TAFA1: variants seen among roughly 807,000 people sequenced by gnomAD.
TAFA1 encodes chemokine-like protein TAFA-1.
Under a neutral mutation model 18.5 loss-of-function variants are expected in TAFA1, and 4 were observed. The ratio of observed to expected loss-of-function variants is 0.22; its 90% CI spans 0.11 to 0.49. TAFA1 has a LOEUF of 0.49. TAFA1 is among the 20% of genes least tolerant of loss of function. The pLI is 0.98. For synonymous variants in TAFA1, 56 were observed against 55.2 expected (o/e 1.01, Z -0.06); for missense variants, 147 against 169.0 (o/e 0.87, Z 0.72).
At chr3:68,239,315 T>G (rs995152662) in intron 2 of TAFA1, among the ~76,000 whole-genome samples, 1 of 152,180 alleles carries the variant, frequency 6.6e-6, no homozygotes, top group Non-Finnish European at 1.5e-5. Flanking sequence ...ATCAATAAGT[T>G]ATTAGAACTC....
At chr3:68,308,215 C>T (rs1224280557) in intron 2 of TAFA1, among the ~76,000 whole-genome samples, 1 of 152,140 alleles carries the variant, frequency 6.6e-6, no homozygotes, top group Non-Finnish European at 1.5e-5. Flanking sequence ...GTCTTATATA[C>T]ACTGCTTGAC....
chr3:68,364,484 G>GTACTTAATTACTTTAATTAA (rs2069529309), intron 2 of TAFA1, among the ~76,000 whole-genome samples: 1 of 152,000 alleles, frequency 6.6e-6, no homozygotes, highest in Admixed American at 6.6e-5. Context: ...AGAGAGATTT[G>GTACTTAATTACTTTAATTAA]GTACAAAAAC....
intron 2 of TAFA1, among the ~76,000 whole-genome samples, chr3:68,306,347 G>T (rs1237655710): frequency 6.6e-6 from 1 of 152,058 alleles, no homozygotes; most frequent in Admixed American, 6.6e-5. Flanking sequence ...CTCTCTTTGG[G>T]TTTGACCTTG....
chr3:68,262,859 G>C (rs1343263646), intron 2 of TAFA1, among the ~76,000 whole-genome samples: 1 of 152,210 alleles, frequency 6.6e-6, no homozygotes, highest in Admixed American at 6.5e-5. Context: ...GGTTAGGCCA[G>C]ATGTCATGGT....
intron 2 of TAFA1, among the ~76,000 whole-genome samples, chr3:68,072,656 T>G (rs2106752225): frequency 6.6e-6 from 1 of 152,258 alleles, no homozygotes; most frequent in Middle Eastern, 3.4e-3. Flanking sequence ...CAGGTTTCTG[T>G]TTTGGAATTA....
intron 2 of TAFA1, among the ~76,000 whole-genome samples, chr3:68,387,590 G>A (rs766997616): frequency 1.3e-5 from 2 of 152,068 alleles, no homozygotes; most frequent in Non-Finnish European, 2.9e-5. Flanking sequence ...TATGATGGGT[G>A]CTGGGGAAAT....
chr3:68,131,666 G>C (rs1050514728), intron 2 of TAFA1, among the ~76,000 whole-genome samples: 1 of 152,176 alleles, frequency 6.6e-6, no homozygotes, highest in Non-Finnish European at 1.5e-5. Context: ...CTGCTGCAGA[G>C]GGGCTGGGCT....
intron 2 of TAFA1, among the ~76,000 whole-genome samples, chr3:68,011,422 A>C (rs190244851): frequency 1.3e-3 from 200 of 152,258 alleles, no homozygotes; most frequent in Non-Finnish European, 2.4e-3. Context: ...TGTGTGTTAG[A>C]TATATTCATT....
At chr3:68,224,974 T>A (rs1575690397) in intron 2 of TAFA1, among the ~76,000 whole-genome samples, 2 of 140,116 alleles carry the variant, frequency 1.4e-5, no homozygotes, top group Middle Eastern at 7.9e-3. Context: ...AGTGGTGGGA[T>A]CTCAGCTCAC....
intron 2 of TAFA1, among the ~76,000 whole-genome samples, chr3:68,226,851 C>T (rs751158533): frequency 2.0e-5 from 3 of 152,138 alleles, no homozygotes; most frequent in Non-Finnish European, 2.9e-5. Flanking sequence ...TGCTTTTTCT[C>T]CCTACCACAT....
chr3:68,182,404 C>T (rs2066215166), intron 2 of TAFA1, among the ~76,000 whole-genome samples: 1 of 152,132 alleles, frequency 6.6e-6, no homozygotes, highest in Admixed American at 6.5e-5. Context: ...TAGTGTGATG[C>T]ATGGTGCCGT....
intron 2 of TAFA1, among the ~76,000 whole-genome samples, chr3:68,095,418 G>A (rs2065077194): frequency 6.6e-6 from 1 of 152,124 alleles, no homozygotes; most frequent in South Asian, 2.1e-4. Flanking sequence ...GACATAAAAA[G>A]CTTTCTATGC....
intron 2 of TAFA1, among the ~76,000 whole-genome samples, chr3:68,102,972 C>T (rs1438235138): frequency 6.6e-6 from 1 of 152,110 alleles, no homozygotes; most frequent in African/African-American, 2.4e-5. Context: ...CATAAGTGGC[C>T]CTGAATCTGT....
chr3:68,497,836 A>T (rs2072575418), intron 3 of TAFA1, among the ~76,000 whole-genome samples: 1 of 152,200 alleles, frequency 6.6e-6, no homozygotes, highest in Non-Finnish European at 1.5e-5. Flanking sequence ...GCATAGAAAT[A>T]GCTGTAGCCC....
intron 3 of TAFA1, among the ~76,000 whole-genome samples, chr3:68,496,584 C>T (rs1202716960): frequency 6.6e-6 from 1 of 152,132 alleles, no homozygotes; most frequent in African/African-American, 2.4e-5. Context: ...CCCAGTTGAA[C>T]CTTTAGATGA....
intron 2 of TAFA1, among the ~76,000 whole-genome samples, chr3:68,290,577 A>G (rs559447440): frequency 6.6e-6 from 1 of 152,292 alleles, no homozygotes; most frequent in African/African-American, 2.4e-5. Context: ...AGGAGTAACA[A>G]GAAATATTCT....
intron 3 of TAFA1, among the ~76,000 whole-genome samples, chr3:68,532,124 A>C (rs995562054): frequency 1.3e-5 from 2 of 152,206 alleles, no homozygotes; most frequent in African/African-American, 4.8e-5. Context: ...AAATTTATTA[A>C]CATGTACATA....
intron 3 of TAFA1, among the ~76,000 whole-genome samples, chr3:68,478,092 G>T (rs781737711): frequency 6.6e-6 from 1 of 152,208 alleles, no homozygotes; most frequent in Non-Finnish European, 1.5e-5. Flanking sequence ...GACTGAAGTT[G>T]GTCCTTGGAG....
intron 2 of TAFA1, among the ~76,000 whole-genome samples, chr3:68,053,075 A>T (rs2064491391): frequency 6.6e-6 from 1 of 152,166 alleles, no homozygotes. Flanking sequence ...GTGAAATCAG[A>T]TTACCCCTGG....
Sources: allele counts gnomAD v4.1 joint callset (sites outside exome capture counted in the v4.1 genomes callset), GRCh38; gene constraint gnomAD v4.1.1; transcripts MANE v1.5; gene names NCBI Gene and HGNC (gene_info 2026-07-23, HGNC 2026-07-21).